The following N4BP1 variants were observed in gnomAD, a reference collection of about 807,000 sequenced individuals.
The protein encoded by N4BP1 is NEDD4-binding protein 1.
N4BP1 carries 21 observed loss-of-function variants against 70.9 expected under a neutral mutation model. That is an observed-to-expected ratio of 0.30 (90% CI 0.21 to 0.43). The LOEUF is 0.43. Ranked by LOEUF, N4BP1 falls within the 20% of genes least tolerant of loss-of-function variation. The pLI, the probability that N4BP1 is intolerant of heterozygous loss-of-function variation, is 1.00. For missense variants in N4BP1, 936 were observed against 1,069.4 expected, an observed-to-expected ratio of 0.88 and a Z score of 1.74; for synonymous variants, 387 against 394.6, an observed-to-expected ratio of 0.98 and a Z score of 0.23.
intron 4 of N4BP1, among the ~76,000 whole-genome samples, chr16:48,551,031 C>T (rs3817029): frequency 0.41 from 62,863 of 151,878 alleles, 14,238 homozygotes; most frequent in African/African-American, 0.6. Context: ...ATTACAATAA[C>T]AGGCTAAGTC....
At chr16:48,594,004 AAAAAAAAAAAAAAAC>A (rs1277914637) in intron 1 of N4BP1, among the ~76,000 whole-genome samples, 1 of 149,654 alleles carries the variant, frequency 6.7e-6, no homozygotes, top group Non-Finnish European at 1.5e-5. Context: ...TCCGTCTCAA[AAAAAAAAAAAAAAAC>A]AAAAAAAAAA....
rs188120392 is a variant in N4BP1, at chr16:48,554,499, C to T, written c.1890-830G>A. ...TTTTACTCTCCAGCAGTTAATTAAA[C>T]GTGGAGATAAAAAAGTGTTAAAAGT... On this transcript the variant is annotated intron_variant, in intron 2 of 6. Coordinates refer to ENST00000262384, the MANE Select transcript of N4BP1 (RefSeq NM_153029.4). 9.2e-5 allele frequency among the ~76,000 whole-genome samples: 14 copies of T among 152,160 alleles called. No homozygotes were observed. In the East Asian group the frequency reaches 1.9e-3, roughly 21 times the overall value.
chr16:48,561,034 T>C lies in N4BP1; in HGVS notation c.1609A>G (p.Asn537Asp). 7 of 1,614,018 alleles carry C rather than the reference T, an allele frequency of 4.3e-6. No individual in the cohort carries two copies. The highest frequency in any genetic ancestry group is 5.9e-6 in the Non-Finnish European group (7 of 1,179,896). ...HQQPEPLLPN[N>D]MKSACEKRLG... ...CGTTTTTCACAGGCAGATTTCATAT[T>C]ATTTGGAAGCAAGGGTTCTGGCTGC... The change falls in exon 2 of 7, where the codon AAT (asparagine) becomes GAT (aspartate). Residue 537 changes from asparagine (N) to aspartate (D), a missense_variant. Physicochemically the swap from Asn to Asp is conservative, Grantham distance 23 (BLOSUM62 1). Transcript: ENST00000262384.
chr16:48,552,363 G>A (rs1963680951), intron 3 of N4BP1, among the ~76,000 whole-genome samples: 1 of 151,934 alleles, frequency 6.6e-6, no homozygotes, highest in South Asian at 2.1e-4. Context: ...CCCTACAATG[G>A]TACTCACCAC....
At chr16:48,609,749 C>T in intron 1 of N4BP1, 26 bp downstream of exon 1, 1 of 1,322,892 alleles carries the variant, frequency 7.6e-7, no homozygotes. Context: ...AGGCCGCGGG[C>T]GCGCGGGGGC....
intron 1 of N4BP1, among the ~76,000 whole-genome samples, chr16:48,582,791 C>G (rs867655265): frequency 6.6e-6 from 1 of 152,136 alleles, no homozygotes; most frequent in Non-Finnish European, 1.5e-5. Flanking sequence ...AGGGGGACCA[C>G]TGTACATGAA....
intron 6 of N4BP1, 76 bp downstream of exon 6, chr16:48,546,071 A>G (rs1567425399): frequency 2.2e-6 from 2 of 919,324 alleles, no homozygotes; most frequent in Non-Finnish European, 3.3e-6. Flanking sequence ...TTTAGTCTAT[A>G]AAGACAGCAC....
chr16:48,609,429 G>T (rs1342305381), intron 1 of N4BP1, among the ~76,000 whole-genome samples: 1 of 152,172 alleles, frequency 6.6e-6, no homozygotes, highest in Admixed American at 6.5e-5. Context: ...CCATCCTGGG[G>T]GCCGGGGAAC....
At chr16:48,559,274 A>G (rs1216550226) in intron 2 of N4BP1, among the ~76,000 whole-genome samples, 2 of 152,194 alleles carry the variant, frequency 1.3e-5, no homozygotes, top group African/African-American at 2.4e-5. Context: ...TTCAATCCTA[A>G]TAGGTATTCT....
At chr16:48,567,805 TGA>T (rs1390894836) in intron 1 of N4BP1, among the ~76,000 whole-genome samples, 1 of 152,224 alleles carries the variant, frequency 6.6e-6, no homozygotes, top group Non-Finnish European at 1.5e-5. Context: ...TTTCAGACCA[TGA>T]GAGAGGCTGC....
intron 1 of N4BP1, among the ~76,000 whole-genome samples, chr16:48,609,094 A>C (rs1468269836): frequency 1.3e-5 from 2 of 150,740 alleles, no homozygotes; most frequent in Admixed American, 1.3e-4. Context: ...GCGCTCCTAT[A>C]GTACTAGCTA....
intron 1 of N4BP1, among the ~76,000 whole-genome samples, chr16:48,582,362 T>A (rs1964185308): frequency 1.3e-5 from 2 of 152,208 alleles, no homozygotes; most frequent in South Asian, 4.1e-4. Context: ...GTCTGGTATA[T>A]CCACGCTGTA....
chr16:48,548,604 T>C (rs986722920), intron 4 of N4BP1, among the ~76,000 whole-genome samples: 1 of 152,108 alleles, frequency 6.6e-6, no homozygotes, highest in Non-Finnish European at 1.5e-5. Flanking sequence ...CCCAACACTT[T>C]GGGAGGTTGA....
chr16:48,560,731 T>C, intron 2 of N4BP1, 23 bp downstream of exon 2: 1 of 1,564,632 alleles, frequency 6.4e-7, no homozygotes, highest in South Asian at 1.2e-5. Flanking sequence ...TAAAATAAAA[T>C]AATCTGCAGA....
intron 1 of N4BP1, among the ~76,000 whole-genome samples, chr16:48,608,601 A>G (rs1187941081): frequency 6.6e-6 from 1 of 152,144 alleles, no homozygotes; most frequent in East Asian, 1.9e-4. Context: ...GGAAAAACCT[A>G]GAGAAACTTG....
chr16:48,605,366 G>A (rs926009583), intron 1 of N4BP1, among the ~76,000 whole-genome samples: 7 of 152,236 alleles, frequency 4.6e-5, no homozygotes, highest in Non-Finnish European at 7.4e-5. Context: ...CACCCCCACG[G>A]CTGAGATCCC....
chr16:48,570,447 G>A (rs1249593996), intron 1 of N4BP1, among the ~76,000 whole-genome samples: 2 of 152,148 alleles, frequency 1.3e-5, no homozygotes, highest in Non-Finnish European at 2.9e-5. Flanking sequence ...TGGGACTCAA[G>A]AAAATTCTCA....
intron 2 of N4BP1, among the ~76,000 whole-genome samples, chr16:48,555,108 A>G (rs551400783): frequency 6.6e-6 from 1 of 152,292 alleles, no homozygotes; most frequent in South Asian, 2.1e-4. Context: ...AAATGCCCTC[A>G]GGACTGAATG....
At chr16:48,600,495 T>C (rs778894673) in intron 1 of N4BP1, 91 of 600,166 alleles carry the variant, frequency 1.5e-4, no homozygotes, top group Non-Finnish European at 2.7e-4. Flanking sequence ...AATGAACAGA[T>C]TGAAGAAAAA....
Sources: gnomAD v4.1 joint callset for allele counts (sites outside exome capture counted in the v4.1 genomes callset) on GRCh38, gnomAD v4.1.1 for gene constraint, MANE v1.5 for transcripts, NCBI Gene and HGNC (gene_info 2026-07-23, HGNC 2026-07-21) for gene names.